The following KLF8 variants were observed in gnomAD, a reference collection of about 807,000 sequenced individuals.
The protein encoded by KLF8 is Krueppel-like factor 8.
KLF8 carries 10 observed loss-of-function variants against 18.2 expected under a neutral mutation model. The observed-to-expected ratio is 0.55, with a 90% CI of 0.34 to 0.93. The LOEUF (loss-of-function observed/expected upper bound fraction) is 0.93, where lower values mean the gene tolerates loss of function less well. KLF8 is among the 40% of genes least tolerant of loss of function. KLF8 has a pLI of 0.02. For synonymous variants in KLF8, 109 were observed against 97.3 expected (o/e 1.12, Z -0.71); for missense variants, 264 against 277.9 (o/e 0.95, Z 0.36).
At chrX:56,173,051 C>T in the KLF8 span, among the ~76,000 whole-genome samples, 2 of 109,850 alleles carry the variant, frequency 1.8e-5, no homozygotes, top group Non-Finnish European at 3.8e-5. Context: ...CTGTAGGTTG[C>T]CTGTTCACTC....
At chrX:56,153,832 T>C in the KLF8 span, among the ~76,000 whole-genome samples, 1 of 111,491 alleles carries the variant, frequency 9.0e-6, no homozygotes, top group Non-Finnish European at 1.9e-5. Context: ...CATTCACAAT[T>C]GCTTCAAAGA....
chrX:56,010,185 G>A, the KLF8 span, among the ~76,000 whole-genome samples: 2 of 111,042 alleles, frequency 1.8e-5, no homozygotes, highest in African/African-American at 6.5e-5. Flanking sequence ...TGAAATGAAC[G>A]AAAAAAATGT....
At chrX:56,244,391 T>C (rs191458908) in intron 1 of KLF8, among the ~76,000 whole-genome samples, 7 of 110,885 alleles carry the variant, frequency 6.3e-5, no homozygotes, top group Non-Finnish European at 1.1e-4. Context: ...TCTCACTATG[T>C]TGCCCAGGCT....
the KLF8 span, among the ~76,000 whole-genome samples, chrX:56,138,207 A>G: frequency 9.0e-6 from 1 of 110,886 alleles, no homozygotes; most frequent in Non-Finnish European, 1.9e-5. Flanking sequence ...CAAACCAGAA[A>G]ATGCCTTGGG....
chrX:56,203,886 G>T, the KLF8 span, among the ~76,000 whole-genome samples: 1 of 111,265 alleles, frequency 9.0e-6, no homozygotes, highest in Non-Finnish European at 1.9e-5. Flanking sequence ...TCTTGGTTAG[G>T]ATAGCTTTGT....
the KLF8 span, among the ~76,000 whole-genome samples, chrX:56,160,627 C>A: frequency 8.2e-4 from 91 of 111,330 alleles, no homozygotes; most frequent in African/African-American, 2.8e-3. Flanking sequence ...TGAGTTGATC[C>A]CTTTACCATT....
chrX:56,156,770 T>C, the KLF8 span, among the ~76,000 whole-genome samples: 1 of 91,798 alleles, frequency 1.1e-5, no homozygotes, highest in Non-Finnish European at 2.1e-5. Context: ...CCTGTGCCCA[T>C]GTGTTCGTAT....
chrX:56,139,786 T>C, the KLF8 span, among the ~76,000 whole-genome samples: 2 of 111,577 alleles, frequency 1.8e-5, no homozygotes, highest in Non-Finnish European at 3.8e-5. Context: ...TGGGACCTAA[T>C]TAAACTAAAG....
the KLF8 span, among the ~76,000 whole-genome samples, chrX:56,077,367 C>T: frequency 8.9e-5 from 10 of 112,025 alleles, no homozygotes; most frequent in Admixed American, 1.9e-4. Context: ...TATGGCTAGC[C>T]GGTTTTCCCA....
chrX:56,077,719 A>G, the KLF8 span, among the ~76,000 whole-genome samples: 4 of 111,690 alleles, frequency 3.6e-5, no homozygotes, highest in Admixed American at 2.8e-4. Flanking sequence ...TTGAATCTAT[A>G]AATTACCTTG....
intron 2 of KLF8, among the ~76,000 whole-genome samples, chrX:56,253,052 T>A (rs1471223142): frequency 8.9e-6 from 1 of 112,697 alleles, no homozygotes; most frequent in Non-Finnish European, 1.9e-5. Context: ...ATTTTTAAAT[T>A]GAATTATTAG....
chrX:56,181,364 C>T, the KLF8 span, among the ~76,000 whole-genome samples: 1 of 111,340 alleles, frequency 9.0e-6, no homozygotes, highest in African/African-American at 3.3e-5. Flanking sequence ...TGTCTCTGCA[C>T]CTGAGATGGG....
the KLF8 span, among the ~76,000 whole-genome samples, chrX:56,073,369 G>T: frequency 4.5e-5 from 5 of 111,996 alleles, no homozygotes; most frequent in East Asian, 1.1e-3. Flanking sequence ...TCCATTTTAT[G>T]TATATAACAC....
chrX:56,081,745 G>A, the KLF8 span, among the ~76,000 whole-genome samples: 5 of 111,853 alleles, frequency 4.5e-5, no homozygotes, highest in Admixed American at 2.9e-4. Context: ...TTCTATTAAT[G>A]TGATGTATTA....
chrX:56,083,173 G>A, the KLF8 span, among the ~76,000 whole-genome samples: 2 of 111,776 alleles, frequency 1.8e-5, 1 homozygote, highest in Non-Finnish European at 3.8e-5. Context: ...GCTTGATGGT[G>A]TCCCCTAAGT....
the KLF8 span, among the ~76,000 whole-genome samples, chrX:56,100,272 C>T: frequency 6.3e-5 from 7 of 110,902 alleles, no homozygotes; most frequent in African/African-American, 2.3e-4. Flanking sequence ...ATTTTAAGCC[C>T]ACAATTGAGA....
chrX:56,066,213 G>T, the KLF8 span, among the ~76,000 whole-genome samples: 2 of 112,253 alleles, frequency 1.8e-5, no homozygotes, highest in African/African-American at 6.5e-5. Flanking sequence ...GTGGGTGGGT[G>T]CCAGCTGCAG....
the KLF8 span, among the ~76,000 whole-genome samples, chrX:56,024,595 A>T: frequency 0.12 from 13,287 of 111,059 alleles, 1,402 homozygotes; most frequent in African/African-American, 0.34. Context: ...TGTCCCTTTT[A>T]AGGGCTCACA....
intron 1 of KLF8, among the ~76,000 whole-genome samples, chrX:56,241,759 G>A (rs1051726002): frequency 6.2e-5 from 7 of 112,009 alleles, no homozygotes. Context: ...TTTTCCCATT[G>A]TTTCACATGG....
Sources: gnomAD v4.1 joint callset for allele counts (sites outside exome capture counted in the v4.1 genomes callset) on GRCh38, gnomAD v4.1.1 for gene constraint, MANE v1.5 for transcripts, NCBI Gene and HGNC (gene_info 2026-07-23, HGNC 2026-07-21) for gene names.